GSTCD: variants seen among roughly 807,000 people sequenced by gnomAD.
The protein encoded by GSTCD is glutathione S-transferase C-terminal domain-containing protein.
In GSTCD, 44 loss-of-function variants were observed where a neutral mutation model predicts 68.3. That is an observed-to-expected ratio of 0.64 (90% CI 0.51 to 0.83). The LOEUF (loss-of-function observed/expected upper bound fraction) is 0.83. GSTCD is among the 40% of genes least tolerant of loss of function. The probability of loss-of-function intolerance (pLI) is 0.00; values close to 1 mark genes in which losing one functional copy is unlikely to be tolerated. For missense variants in GSTCD, 739 were observed against 735.9 expected, an observed-to-expected ratio of 1.00 and a Z score of -0.05; for synonymous variants, 273 against 255.2, an observed-to-expected ratio of 1.07 and a Z score of -0.67.
chr4:105,735,172 A>G (rs1048332401), intron 5 of GSTCD, among the ~76,000 whole-genome samples: 13 of 151,880 alleles, frequency 8.6e-5, no homozygotes, highest in Non-Finnish European at 2.9e-5. Flanking sequence ...CAGATCTCAA[A>G]CTCTCTGCTG....
chr4:105,777,337 G>A (rs543524940), intron 5 of GSTCD, among the ~76,000 whole-genome samples: 5 of 152,000 alleles, frequency 3.3e-5, no homozygotes, highest in African/African-American at 7.2e-5. Flanking sequence ...ATTTTCTTAC[G>A]TAGAACATGG....
At chr4:105,741,086 C>T (rs1351047822) in intron 5 of GSTCD, among the ~76,000 whole-genome samples, 1 of 151,992 alleles carries the variant, frequency 6.6e-6, no homozygotes, top group Non-Finnish European at 1.5e-5. Flanking sequence ...TATATTTAGC[C>T]ATATATAATT....
chr4:105,710,075 C>T (rs1471704123), intron 1 of GSTCD, among the ~76,000 whole-genome samples: 1 of 151,380 alleles, frequency 6.6e-6, no homozygotes, highest in African/African-American at 2.4e-5. Context: ...CTGAAAGTAT[C>T]GTTTTGTGAG....
chr4:105,727,885 C>T (rs1184421903), intron 4 of GSTCD, among the ~76,000 whole-genome samples: 3 of 152,068 alleles, frequency 2.0e-5, no homozygotes, highest in African/African-American at 7.2e-5. Context: ...GTAAGTTATC[C>T]ATCGAGTTAC....
chr4:105,768,654 C>G lies in GSTCD; in HGVS notation c.1240+39155C>G, dbSNP rs544705902. On this transcript the variant is annotated intron_variant, in intron 5 of 11. Transcript: ENST00000515279. ...ATTAGACTGCATACTTTAAGTTAAA[C>G]TCACAATAATTATTTAATTAGCATT... Among the ~76,000 whole-genome samples the G allele has an allele frequency of 1.4e-4, 22 of 151,992 alleles. No homozygotes were observed. In the East Asian group the frequency reaches 2.3e-3, roughly 16 times the overall value.
chr4:105,724,557 A>G (rs1732969350), intron 3 of GSTCD, among the ~76,000 whole-genome samples: 1 of 151,758 alleles, frequency 6.6e-6, no homozygotes, highest in Non-Finnish European at 1.5e-5. Flanking sequence ...TGCTTCTTAC[A>G]TTATTGGTAA....
intron 5 of GSTCD, among the ~76,000 whole-genome samples, chr4:105,817,511 G>A (rs1450115967): frequency 1.3e-5 from 2 of 151,846 alleles, no homozygotes; most frequent in African/African-American, 4.8e-5. Flanking sequence ...CAGATTATTT[G>A]TATCCACTGT....
intron 5 of GSTCD, among the ~76,000 whole-genome samples, chr4:105,777,280 C>T (rs981035645): frequency 2.5e-4 from 38 of 151,918 alleles, no homozygotes; most frequent in Non-Finnish European, 4.4e-4. Flanking sequence ...TAATCTTAGC[C>T]GATGTATGTG....
At chr4:105,820,623 C>T (rs1723238662) in intron 5 of GSTCD, 1 of 151,772 alleles carries the variant, frequency 6.6e-6, no homozygotes, top group Admixed American at 6.6e-5. Context: ...AAAGAGAATG[C>T]TTTATTAGAG....
chr4:105,753,518 T>A (rs575178588), intron 5 of GSTCD, among the ~76,000 whole-genome samples: 62 of 152,044 alleles, frequency 4.1e-4, no homozygotes, highest in Non-Finnish European at 7.2e-4. Flanking sequence ...TTTTTTCTTG[T>A]CATGATGCCC....
At chr4:105,764,679 C>T (rs1734539382) in intron 5 of GSTCD, among the ~76,000 whole-genome samples, 2 of 152,146 alleles carry the variant, frequency 1.3e-5, no homozygotes. Context: ...ACACTTATGA[C>T]CTCATGTAAC....
chr4:105,819,657 C>A (rs1723181302), intron 5 of GSTCD, among the ~76,000 whole-genome samples: 1 of 151,606 alleles, frequency 6.6e-6, no homozygotes, highest in South Asian at 2.1e-4. Flanking sequence ...TTAATCAGAC[C>A]TCTTTTGAAA....
At chr4:105,809,614 G>A (rs868524203) in intron 5 of GSTCD, among the ~76,000 whole-genome samples, 2 of 151,974 alleles carry the variant, frequency 1.3e-5, no homozygotes, top group Non-Finnish European at 2.9e-5. Flanking sequence ...ACTGGAATGT[G>A]TACTCCATGG....
intron 9 of GSTCD, 78 bp downstream of exon 9, chr4:105,834,672 C>A: frequency 7.7e-7 from 1 of 1,295,804 alleles, no homozygotes; most frequent in Non-Finnish European, 1.1e-6. Flanking sequence ...TATAAAGTTG[C>A]AATGACTTAA....
intron 5 of GSTCD, among the ~76,000 whole-genome samples, chr4:105,762,711 C>A (rs1464744794): frequency 6.6e-6 from 1 of 152,100 alleles, no homozygotes. Flanking sequence ...AAAGTTGATT[C>A]TCAGTTTTAA....
chr4:105,719,567 C>T, intron 3 of GSTCD, 40 bp downstream of exon 3: 1 of 1,441,692 alleles, frequency 6.9e-7, no homozygotes, highest in Non-Finnish European at 9.7e-7. Context: ...CTATGAGTTT[C>T]AGTCTATGAA....
At chr4:105,796,193 A>G (rs534237173) in intron 5 of GSTCD, among the ~76,000 whole-genome samples, 1 of 152,230 alleles carries the variant, frequency 6.6e-6, no homozygotes, top group Non-Finnish European at 1.5e-5. Context: ...CATGGATAGC[A>G]GCAGGCAAAG....
In GSTCD at chr4:105,768,548, T is replaced by C. The variant is rs1044489340; in HGVS notation, c.1240+39049T>C. ...TTAGTTTTGTAAGAAAAATAAAACATCTTTTATATATTTGAGGTTTGCAAC... is the reference window on the plus strand; with the variant it reads ...TTAGTTTTGTAAGAAAAATAAAACACCTTTTATATATTTGAGGTTTGCAAC... On this transcript the variant is annotated intron_variant, in intron 5 of 11. Transcript: ENST00000515279. 3.3e-5 allele frequency among the ~76,000 whole-genome samples: 5 copies of C among 152,186 alleles called. No individual in the cohort carries two copies. In the South Asian group the frequency reaches 6.2e-4, roughly 19 times the overall value.
intron 3 of GSTCD, among the ~76,000 whole-genome samples, chr4:105,721,521 T>G (rs1415642819): frequency 1.3e-5 from 2 of 152,114 alleles, no homozygotes; most frequent in East Asian, 3.8e-4. Context: ...AAGAGTCAAT[T>G]TTGCTAAATC....
Sources: allele counts gnomAD v4.1 joint callset (sites outside exome capture counted in the v4.1 genomes callset), GRCh38; gene constraint gnomAD v4.1.1; transcripts MANE v1.5; gene names NCBI Gene and HGNC (gene_info 2026-07-23, HGNC 2026-07-21).